Variants in PIGQ observed in about 807,000 individuals in gnomAD.
PIGQ encodes the protein phosphatidylinositol N-acetylglucosaminyltransferase subunit Q.
A neutral mutation model predicts 60.3 loss-of-function variants in PIGQ; 54 were observed. The observed-to-expected ratio is 0.90, with a 90% confidence interval of 0.72 to 1.12. PIGQ has a LOEUF of 1.12. PIGQ is among the 50% of genes most tolerant of loss of function. The pLI, the probability that PIGQ is intolerant of heterozygous loss-of-function variation, is 0.00. For synonymous variants in PIGQ, 416 were observed against 363.7 expected, an observed-to-expected ratio of 1.14 and a Z score of -1.64; for missense variants, 799 against 793.5, an observed-to-expected ratio of 1.01 and a Z score of -0.08.
At chr16:573,649 C>T (rs1334880016) in intron 1 of PIGQ, among the ~76,000 whole-genome samples, 1 of 152,204 alleles carries the variant, frequency 6.6e-6, no homozygotes, top group Non-Finnish European at 1.5e-5. Context: ...GTACAGTTCT[C>T]CTCGTGCTAC....
At position 574,547 on chromosome 16, in the gene PIGQ, G is replaced by A. The variant is rs201595639; in HGVS notation, c.473G>A (p.Ser158Asn). The change falls in exon 2 of 11, where the codon AGC becomes AAC. Residue 158 changes from serine to asparagine, a missense_variant. Transcript: ENST00000321878. ...PDRQAGATTA[S>N]TGGLAAVFDT... ...CGCCAGGCTGGAGCCACCACTGCCA[G>A]CACGGGGGGCCTGGCTGCCGTCTTC... 1.1e-5 allele frequency: 17 copies of A among 1,604,666 alleles called. 1 individual carries two copies. In the East Asian group the frequency reaches 3.6e-4, roughly 34 times the overall value.
intron 9 of PIGQ, chr16:581,929 A>G: frequency 3.2e-5 from 12 of 375,212 alleles, no homozygotes; most frequent in South Asian, 2.5e-4. Context: ...ACACCCGGCT[A>G]ATTTTTGTAT....
chr16:581,272 G>C, intron 9 of PIGQ: 2 of 1,358,328 alleles, frequency 1.5e-6, no homozygotes, highest in Non-Finnish European at 1.9e-6. Flanking sequence ...TTGGGAGTCT[G>C]AACTGCAGGC....
intron 1 of PIGQ, among the ~76,000 whole-genome samples, chr16:573,422 G>A (rs948605239): frequency 5.3e-5 from 8 of 152,248 alleles, no homozygotes; most frequent in Admixed American, 1.3e-4. Flanking sequence ...AGTGGAGGCC[G>A]AAGCCCTGTG....
intron 1 of PIGQ, chr16:570,695 C>T (rs988233265): frequency 6.6e-6 from 1 of 152,284 alleles, no homozygotes; most frequent in Non-Finnish European, 1.5e-5. Context: ...AGCTCCTGAC[C>T]TCAAGTGATC....
At position 580,210 on chromosome 16, in the gene PIGQ, A is replaced by T. The variant is rs775237960; in HGVS notation, c.1363A>T (p.Ile455Phe). 1 of 1,612,712 alleles carries T rather than the reference A, an allele frequency of 6.2e-7. No individual in the cohort carries two copies. The highest frequency in any genetic ancestry group is 8.5e-7 in the Non-Finnish European group (1 of 1,179,322). The change falls in exon 8 of 11, where the codon ATC becomes TTC. Residue 455 changes from isoleucine to phenylalanine, a missense_variant. Physicochemically the swap from Ile to Phe is conservative, Grantham distance 21. Coordinates refer to ENST00000321878, the MANE Select transcript of PIGQ (RefSeq NM_004204.5). ...QLFIGTLLFTILLFLLPTTAL... is the reference protein window; with the variant it reads ...QLFIGTLLFTFLLFLLPTTAL... Reference sequence around the variant, plus strand: ...GTTCATCGGGACTCTGCTCTTCACCATCCTGCTCTTCCTCCTGCCTACCAC... The same window carrying T: ...GTTCATCGGGACTCTGCTCTTCACCTTCCTGCTCTTCCTCCTGCCTACCAC...
In PIGQ at chr16:580,274, C is replaced by A; in HGVS notation, c.1416+11C>A. The A allele has an allele frequency of 1.3e-6, 2 of 1,595,446 alleles. No homozygotes were observed. Among genetic ancestry groups the A allele is most frequent in the South Asian group, 1.1e-5 (1 of 89,676 alleles). On this transcript the variant is annotated intron_variant, in intron 8 of 10. Coordinates refer to ENST00000321878, the MANE Select transcript of PIGQ (RefSeq NM_004204.5). The stretch of plus-strand genomic sequence containing the variant: ...CTGGTGTTCACCCTGGTGAGCTGAG[C>A]ACCCACAGGCTGGGCCTGGCTGCAG...
rs149175905 is a variant in PIGQ, at chr16:580,942, C to G, written c.1501C>G (p.Leu501Val). 3 of 1,610,734 alleles carry G rather than the reference C, an allele frequency of 1.9e-6. No homozygotes were observed. The highest frequency in any genetic ancestry group is 1.3e-5 in the African/African-American group (1 of 74,930). The change falls in exon 9 of 11, where the codon CTT becomes GTT. Residue 501 changes from leucine to valine, a missense_variant. Leu to Val is a conservative substitution (Grantham distance 32). Transcript: ENST00000321878. ...CTCCCTGCCGCTGTACTCACTGGGT[C>G]TTCGGCTCTGCCGGCCCTACAGGCT... The part of the protein sequence containing the change: ...INSLPLYSLG[L>V]RLCRPYRLAA...
chr16:578,418 A>C lies in PIGQ; in HGVS notation c.982A>C (p.Met328Leu), dbSNP rs749091425. The change falls in exon 5 of 11, where the codon ATG becomes CTG. Residue 328 changes from methionine to leucine, a missense_variant. By Grantham distance (15) the Met-to-Leu change is conservative. Coordinates refer to ENST00000321878, the MANE Select transcript of PIGQ (RefSeq NM_004204.5). ...EELQHLLQWLMGAPAGLKMNR... is the reference protein window; with the variant it reads ...EELQHLLQWLLGAPAGLKMNR... ...GCTCCAGCATCTGCTGCAGTGGCTG[A>C]TGGGTGCTCCCGCCGGGCTCAAGAT... 1.2e-6 allele frequency: 2 copies of C among 1,611,864 alleles called. No homozygotes were observed. The highest frequency in any genetic ancestry group is 1.7e-6 in the Non-Finnish European group (2 of 1,179,754).
In PIGQ at chr16:580,969, G is replaced by T. The variant is rs199901158; in HGVS notation, c.1528G>T (p.Ala510Ser). The T allele has an allele frequency of 5.0e-6, 8 of 1,599,700 alleles. No homozygotes were observed. The highest frequency in any genetic ancestry group is 6.8e-6 in the Non-Finnish European group (8 of 1,168,602). The change falls in exon 9 of 11, where the codon GCG becomes TCG. Residue 510 changes from alanine to serine, a missense_variant. Coordinates refer to ENST00000321878, the MANE Select transcript of PIGQ (RefSeq NM_004204.5). Reference sequence around the variant, plus strand: ...TCGGCTCTGCCGGCCCTACAGGCTGGCGGGTAAGTGCTGCGTATTGGGCAG... The same window carrying T: ...TCGGCTCTGCCGGCCCTACAGGCTGTCGGGTAAGTGCTGCGTATTGGGCAG... ...GLRLCRPYRLAAGVKFRVLRH... is the reference protein window; with the variant it reads ...GLRLCRPYRLSAGVKFRVLRH...
At position 583,643 on chromosome 16, in the gene PIGQ, TCAG is replaced by T; in HGVS notation, c.*612_*614del. On this transcript the variant is annotated 3_prime_UTR_variant, in exon 11 of 11. Coordinates refer to ENST00000321878, the MANE Select transcript of PIGQ (RefSeq NM_004204.5). The stretch of plus-strand genomic sequence containing the variant: ...GAGAGGTCGCTTTGTGAAGAAACCA[TCAG>T]CAGGCTGTGAGCATCGCCAGGCTGC... 1 of 1,612,404 alleles carries T rather than the reference TCAG, an allele frequency of 6.2e-7. No individual in the cohort carries two copies. Among genetic ancestry groups the T allele is most frequent in the Non-Finnish European group, 8.5e-7 (1 of 1,179,860 alleles).
rs771581519 is a variant in PIGQ at position 582,838 on chromosome 16, T to C, written c.1594-45T>C. 9 of 1,532,634 alleles carry C rather than the reference T, an allele frequency of 5.9e-6. No individual in the cohort carries two copies. In the South Asian group the frequency reaches 9.7e-5, roughly 17 times the overall value. 94.9% of individuals were successfully genotyped at this position (1,532,634 alleles called of 1,614,324 possible). ...CCCCACCCTCTCTCTGCAGACGGGG[T>C]TGGAGCTCAGACCACCCCACTGACC... On this transcript the variant is annotated intron_variant, in intron 10 of 10. Coordinates refer to ENST00000321878, the MANE Select transcript of PIGQ (RefSeq NM_004204.5).
At chr16:580,019 A>C in intron 7 of PIGQ, 164 bp from the exon 8 acceptor site, 1 of 534,252 alleles carries the variant, frequency 1.9e-6, no homozygotes, top group South Asian at 2.8e-5. Flanking sequence ...GTGTGGGTGG[A>C]CAGCCCTCCT....
chr16:579,190 A>G lies in PIGQ; in HGVS notation c.1335+10A>G, dbSNP rs964488399. 1 of 1,607,804 alleles carries G rather than the reference A, an allele frequency of 6.2e-7. No homozygotes were observed. Among genetic ancestry groups the G allele is most frequent in the African/African-American group, 1.3e-5 (1 of 74,804 alleles). ...CTATGACCTGGACCAGGTATGGGGCAGGGTTCGTGGCTGGAGGGGCTGACT... is the reference window on the plus strand; with the variant it reads ...CTATGACCTGGACCAGGTATGGGGCGGGGTTCGTGGCTGGAGGGGCTGACT... On this transcript the variant is annotated intron_variant, in intron 7 of 10. Coordinates refer to ENST00000321878, the MANE Select transcript of PIGQ (RefSeq NM_004204.5).
rs1333346590 is a variant in PIGQ at position 574,648 on chromosome 16, C to T, written c.574C>T (p.Gln192Ter). ...GGGCCCCGTGCGGCTGAGCCACTGG[C>T]AGTCGGAGGGCGTGGAGGCCAGCAT... Reference protein sequence around the residue: ...DEGPVRLSHWQSEGVEASILA... With the variant: ...DEGPVRLSHW Residue 192 changes from glutamine (Q) to a stop codon, truncating the protein, a stop_gained, in exon 2 of 11, where the codon CAG becomes TAG. Coordinates refer to ENST00000321878, the MANE Select transcript of PIGQ (RefSeq NM_004204.5). LOFTEE classifies it high-confidence loss of function. 1.2e-6 allele frequency: 2 copies of T among 1,607,880 alleles called. No individual in the cohort carries two copies. The highest frequency in any genetic ancestry group is 1.7e-6 in the Non-Finnish European group (2 of 1,178,918).
In PIGQ at chr16:583,738, CG is replaced by C. The variant is rs1567178891; in HGVS notation, c.*705del. 7.4e-7 allele frequency: 1 copy of C among 1,346,916 alleles called. No individual in the cohort carries two copies. The highest frequency in any genetic ancestry group is 1.1e-6 in the Non-Finnish European group (1 of 950,904). The allele number at this position is 1,346,916 out of a possible 1,614,324, so 83.4% of individuals were successfully genotyped here. On this transcript the variant is annotated 3_prime_UTR_variant, in exon 11 of 11. Transcript: ENST00000321878. ...TGACCCAGCCGTACCTATTCGTCCACGGTGCCCCGTAGCAGCAGGTCCTGCG... is the reference window on the plus strand; with the variant it reads ...TGACCCAGCCGTACCTATTCGTCCACGTGCCCCGTAGCAGCAGGTCCTGCG...
At chr16:577,312 T>G (rs1463593214) in intron 4 of PIGQ, 2 of 152,198 alleles carry the variant, frequency 1.3e-5, no homozygotes, top group African/African-American at 2.4e-5. Context: ...GGGTGGTGGC[T>G]CATGCCTGTA....
chr16:576,598 C>T (rs935405253), intron 4 of PIGQ: 4 of 493,098 alleles, frequency 8.1e-6, no homozygotes, highest in Non-Finnish European at 1.1e-5. Context: ...CTCTCTGGGG[C>T]CCTCTGCAGA....
chr16:570,200 T>A (rs1282446170), intron 1 of PIGQ, 104 bp downstream of exon 1: 2 of 151,768 alleles, frequency 1.3e-5, no homozygotes, highest in Non-Finnish European at 2.9e-5. Context: ...GCGCCGCTGC[T>A]TTCTCCTCCC....
Sources: gnomAD v4.1 joint callset for allele counts (sites outside exome capture counted in the v4.1 genomes callset) on GRCh38, gnomAD v4.1.1 for gene constraint, MANE v1.5 for transcripts, NCBI Gene and HGNC (gene_info 2026-07-23, HGNC 2026-07-21) for gene names.